The following MCF2 variants were observed in gnomAD, a reference collection of about 807,000 sequenced individuals.
MCF2 encodes proto-oncogene DBL.
MCF2 carries 44 observed loss-of-function variants against 82.5 expected under a neutral mutation model. That is an observed-to-expected ratio of 0.53 (90% confidence interval 0.42 to 0.69). The LOEUF is 0.69. MCF2 is among the 30% of genes least tolerant of loss of function. MCF2 has a pLI of 0.00. For missense variants in MCF2, 623 were observed against 663.1 expected (o/e 0.94, Z 0.66); for synonymous variants, 217 against 224.9 (o/e 0.96, Z 0.32).
chrX:139,618,744 C>T (rs1028757793), intron 7 of MCF2, among the ~76,000 whole-genome samples: 13 of 111,352 alleles, frequency 1.2e-4, no homozygotes, highest in Non-Finnish European at 2.3e-4. Context: ...CGTGGCCTTG[C>T]TCTCACATAA....
rs758475592 is a variant in MCF2 at position 139,624,842 on chromosome X, TA to T, written c.687+1350del. 1.6e-4 allele frequency among the ~76,000 whole-genome samples: 18 copies of T among 110,956 alleles called. No homozygotes were observed. In the East Asian group the frequency reaches 3.4e-3, roughly 21 times the overall value. On this transcript the variant is annotated intron_variant, in intron 6 of 24. Coordinates refer to ENST00000370576, the Ensembl canonical transcript of MCF2. The stretch of plus-strand genomic sequence containing the variant: ...TATTACTAGAAAAAATGGAAGCATT[TA>T]GGGGGAAAGGGCCATCATGTGTGCA...
At chrX:139,684,104 G>C (rs1448736524) in intron 1 of MCF2, among the ~76,000 whole-genome samples, 1 of 112,307 alleles carries the variant, frequency 8.9e-6, no homozygotes, top group Admixed American at 9.4e-5. Flanking sequence ...CCATTCCAGA[G>C]TATATAGAGA....
At chrX:139,603,186 G>A (rs1176349319) in intron 15 of MCF2, among the ~76,000 whole-genome samples, 1 of 112,284 alleles carries the variant, frequency 8.9e-6, no homozygotes, top group Non-Finnish European at 1.9e-5. Context: ...ATTTGGGCTT[G>A]GTATCCACAT....
chrX:139,586,323 G>A (rs1273024966), intron 23 of MCF2, 55 bp downstream of exon 27: 9 of 842,149 alleles, frequency 1.1e-5, no homozygotes, highest in Middle Eastern at 2.8e-4. Flanking sequence ...TTAATAATAC[G>A]AGGTAAAAAT....
At chrX:139,673,617 T>C (rs1934773762) in intron 1 of MCF2, among the ~76,000 whole-genome samples, 1 of 112,178 alleles carries the variant, frequency 8.9e-6, no homozygotes, top group African/African-American at 3.2e-5. Flanking sequence ...TCCATGTAGT[T>C]GTGCGGTTTT....
exon 1 of MCF2, chrX:139,642,546 T>C (rs767426561): frequency 1.7e-6 from 2 of 1,211,254 alleles, no homozygotes; most frequent in Non-Finnish European, 2.2e-6. Flanking sequence ...ACACTTTTCT[T>C]TTCCAATTGT....
chrX:139,608,892 A>G (rs934643411), intron 11 of MCF2, among the ~76,000 whole-genome samples: 4 of 111,891 alleles, frequency 3.6e-5, no homozygotes, highest in African/African-American at 1.3e-4. Context: ...TGAAACCAGA[A>G]GTTGTGGCCG....
At chrX:139,654,005 T>C (rs1934116415) in intron 1 of MCF2, among the ~76,000 whole-genome samples, 1 of 111,913 alleles carries the variant, frequency 8.9e-6, no homozygotes, top group African/African-American at 3.2e-5. Context: ...TAACATTCCA[T>C]GGTGTATATA....
chrX:139,603,427 A>T (rs976628078), intron 15 of MCF2, among the ~76,000 whole-genome samples: 4 of 112,912 alleles, frequency 3.5e-5, no homozygotes, highest in Non-Finnish European at 7.5e-5. Flanking sequence ...AGTAAATATA[A>T]AATCTCCCAT....
chrX:139,700,870 C>T (rs1169792354), intron 1 of MCF2, among the ~76,000 whole-genome samples: 1 of 111,899 alleles, frequency 8.9e-6, no homozygotes, highest in East Asian at 2.8e-4. Flanking sequence ...GATAGGCTCA[C>T]AGAAAGGAAT....
intron 8 of MCF2, 81 bp downstream of exon 11, chrX:139,617,432 G>A: frequency 2.7e-6 from 2 of 732,537 alleles, no homozygotes; most frequent in South Asian, 3.5e-5. Context: ...TGCGACAGGA[G>A]GGCAAGGTGC....
Position 139,687,077 on chromosome X carries a change from C to CAT in MCF2, c.-45+21027_-45+21028dup, listed in dbSNP as rs754263564. ...ACACACACACATACACACACACACA[C>CAT]ATATGCAAACACTCACTCTGCTTCA... On this transcript the variant is annotated intron_variant, in intron 1 of 27. Coordinates refer to the MCF2 transcript ENST00000414978. Among the ~76,000 whole-genome samples the CAT allele has an allele frequency of 2.2e-4, 24 of 110,349 alleles. 1 individual carries two copies. The Admixed American group carries it at 2.2e-3, about 10-fold the overall frequency.
intron 1 of MCF2, among the ~76,000 whole-genome samples, chrX:139,692,989 G>A (rs925844530): frequency 6.2e-4 from 69 of 112,030 alleles, no homozygotes; most frequent in African/African-American, 2.2e-3. Flanking sequence ...GCTTTAGAGA[G>A]GACACGAGAA....
chrX:139,684,009 G>A (rs1441058733), intron 1 of MCF2, among the ~76,000 whole-genome samples: 1 of 112,407 alleles, frequency 8.9e-6, no homozygotes, highest in African/African-American at 3.2e-5. Flanking sequence ...AAATATTTGC[G>A]ATTCAAGGAA....
intron 6 of MCF2, among the ~76,000 whole-genome samples, chrX:139,622,993 C>G (rs970499144): frequency 1.8e-5 from 2 of 111,190 alleles, no homozygotes; most frequent in Non-Finnish European, 3.8e-5. Flanking sequence ...AGAAAATGCT[C>G]AATATCACTA....
At chrX:139,605,982 T>A (rs1247836082) in intron 12 of MCF2, among the ~76,000 whole-genome samples, 4 of 102,651 alleles carry the variant, frequency 3.9e-5, no homozygotes, top group African/African-American at 1.4e-4. Flanking sequence ...TGGGTGGTTT[T>A]TATACATTGT....
At chrX:139,618,083 T>A (rs1932064978) in intron 7 of MCF2, among the ~76,000 whole-genome samples, 1 of 110,374 alleles carries the variant, frequency 9.1e-6, no homozygotes, top group Non-Finnish European at 1.9e-5. Context: ...GTATTTCATA[T>A]CATCTCAGCC....
At chrX:139,681,304 C>T (rs763399923) in intron 1 of MCF2, among the ~76,000 whole-genome samples, 7 of 111,630 alleles carry the variant, frequency 6.3e-5, no homozygotes, top group South Asian at 3.8e-4. Flanking sequence ...CTGATAGCAG[C>T]GGCTGATGCT....
chrX:139,691,163 CT>C (rs1243567764), intron 1 of MCF2, among the ~76,000 whole-genome samples: 1 of 111,318 alleles, frequency 9.0e-6, no homozygotes, highest in African/African-American at 3.3e-5. Context: ...CAAACAAGAG[CT>C]TTTGCCTTTG....
Sources: gnomAD v4.1 joint callset for allele counts (sites outside exome capture counted in the v4.1 genomes callset) on GRCh38, gnomAD v4.1.1 for gene constraint, MANE v1.5 for transcripts, NCBI Gene and HGNC (gene_info 2026-07-23, HGNC 2026-07-21) for gene names.